The following KLF7 variants were observed in gnomAD, a reference collection of about 807,000 sequenced individuals.
The protein encoded by KLF7 is KLF transcription factor 7, also known as Krueppel-like factor 7.
A neutral mutation model predicts 27.3 loss-of-function variants in KLF7; 2 were observed. The ratio of observed to expected loss-of-function variants is 0.07; its 90% CI spans 0.03 to 0.23. The LOEUF (loss-of-function observed/expected upper bound fraction) is 0.23, where lower values mean the gene tolerates loss of function less well. Ranked by LOEUF, KLF7 falls within the 10% of genes least tolerant of loss-of-function variation. The probability of loss-of-function intolerance (pLI) is 1.00; values close to 1 mark genes in which losing one functional copy is unlikely to be tolerated. For missense variants in KLF7, 221 were observed against 394.1 expected, an observed-to-expected ratio of 0.56 and a Z score of 3.72; for synonymous variants, 165 against 162.4, an observed-to-expected ratio of 1.02 and a Z score of -0.12.
intron 3 of KLF7, among the ~76,000 whole-genome samples, chr2:207,081,672 T>C (rs1302115232): frequency 6.6e-6 from 1 of 152,148 alleles, no homozygotes; most frequent in African/African-American, 2.4e-5. Flanking sequence ...GAAAGTGCTT[T>C]TGAAACCTGT....
At chr2:207,082,596 C>T (rs942805016) in intron 3 of KLF7, among the ~76,000 whole-genome samples, 1 of 152,202 alleles carries the variant, frequency 6.6e-6, no homozygotes, top group Admixed American at 6.5e-5. Context: ...TGAATGAAAT[C>T]CCAGTGAAGT....
intron 2 of KLF7, among the ~76,000 whole-genome samples, chr2:207,113,322 T>C (rs538389520): frequency 1.3e-4 from 20 of 152,304 alleles, no homozygotes; most frequent in South Asian, 6.2e-4. Flanking sequence ...ACTATATTTA[T>C]AAAGTATGCC....
intron 1 of KLF7, among the ~76,000 whole-genome samples, chr2:207,154,203 C>T (rs2078319401): frequency 6.6e-6 from 1 of 152,140 alleles, no homozygotes; most frequent in African/African-American, 2.4e-5. Context: ...ACCTGATTCA[C>T]TCTCATAAGC....
intron 1 of KLF7, among the ~76,000 whole-genome samples, chr2:207,148,484 G>A (rs1222797528): frequency 1.3e-5 from 2 of 152,158 alleles, no homozygotes; most frequent in East Asian, 1.9e-4. Context: ...GATGTATAAA[G>A]ACAAAGCTAC....
At chr2:207,172,155 A>G (rs1324245550), upstream of KLF7, among the ~76,000 whole-genome samples, 2 of 152,066 alleles carry the variant, frequency 1.3e-5, no homozygotes, top group Non-Finnish European at 2.9e-5. Context: ...ATAGAAACTG[A>G]AATTTCTCTC....
intron 1 of KLF7, among the ~76,000 whole-genome samples, chr2:207,128,485 G>A (rs1443924711): frequency 6.6e-6 from 1 of 152,132 alleles, no homozygotes; most frequent in Non-Finnish European, 1.5e-5. Context: ...CTAGTAGAAA[G>A]ATCTATGATG....
At chr2:207,118,074 G>A (rs935514195) in intron 2 of KLF7, among the ~76,000 whole-genome samples, 5 of 152,206 alleles carry the variant, frequency 3.3e-5, no homozygotes, top group Admixed American at 3.3e-4. Flanking sequence ...TAGGTCAGGA[G>A]ACATGGGTCC....
chr2:207,092,959 A>T (rs1201086698), intron 2 of KLF7, among the ~76,000 whole-genome samples: 2 of 152,240 alleles, frequency 1.3e-5, no homozygotes, highest in Admixed American at 6.5e-5. Flanking sequence ...GCCCTGTAGG[A>T]TAAATAAAAA....
At chr2:207,122,935 C>T (rs578062535) in intron 2 of KLF7, among the ~76,000 whole-genome samples, 15 of 152,184 alleles carry the variant, frequency 9.9e-5, no homozygotes, top group African/African-American at 3.1e-4. Flanking sequence ...GACACCACCC[C>T]TAAGCTCCAA....
rs1024524982 is a variant in KLF7, at chr2:207,102,141, C to CACACAT, written c.734-13561_734-13560insATGTGT. On this transcript the variant is annotated intron_variant, in intron 2 of 3. Transcript: ENST00000309446. ...ACATTCACATTCACACACACACACA[C>CACACAT]ACACACACACACACACACCCTGCCC... 7.3e-5 allele frequency among the ~76,000 whole-genome samples: 11 copies of CACACAT among 151,406 alleles called. No individual in the cohort carries two copies. In the East Asian group the frequency reaches 2.1e-3, roughly 29 times the overall value.
intron 1 of KLF7, among the ~76,000 whole-genome samples, chr2:207,153,961 G>A (rs1208525797): frequency 6.6e-6 from 1 of 152,074 alleles, no homozygotes; most frequent in Non-Finnish European, 1.5e-5. Flanking sequence ...TAAATATGAA[G>A]ATATAATCTT....
At chr2:207,147,847 T>G (rs978919822) in intron 1 of KLF7, among the ~76,000 whole-genome samples, 9 of 152,228 alleles carry the variant, frequency 5.9e-5, no homozygotes, top group African/African-American at 1.9e-4. Flanking sequence ...TGGGTTCTGC[T>G]GGCCAAAGTT....
intron 1 of KLF7, 26 bp downstream of exon 1, chr2:207,165,441 T>G (rs1366663690): frequency 6.2e-7 from 1 of 1,613,762 alleles, no homozygotes; most frequent in Admixed American, 1.7e-5. Flanking sequence ...ACCACACGAT[T>G]TACACAAGTA....
At chr2:207,123,345 A>T (rs2077390292) in intron 2 of KLF7, among the ~76,000 whole-genome samples, 1 of 152,186 alleles carries the variant, frequency 6.6e-6, no homozygotes, top group South Asian at 2.1e-4. Flanking sequence ...ATGCTGGGAA[A>T]AGAGTGAATA....
chr2:207,085,044 C>A (rs2076354638), intron 3 of KLF7, among the ~76,000 whole-genome samples: 2 of 151,734 alleles, frequency 1.3e-5, no homozygotes, highest in South Asian at 4.2e-4. Context: ...TACCTGTAAT[C>A]CCAGCTTCTT....
At chr2:207,093,415 C>T (rs917584568) in intron 2 of KLF7, among the ~76,000 whole-genome samples, 1 of 152,140 alleles carries the variant, frequency 6.6e-6, no homozygotes, top group Non-Finnish European at 1.5e-5. Flanking sequence ...CTGCAGGCTC[C>T]CACCTCGAGG....
chr2:207,076,587 C>T lies in KLF7; in HGVS notation c.*4626G>A, dbSNP rs1003030100. The T allele has an allele frequency of 6.6e-6, 1 of 152,136 alleles. No homozygotes were observed. The highest frequency in any genetic ancestry group is 1.9e-4 in the East Asian group (1 of 5,196). 9.4% of individuals were successfully genotyped at this position (152,136 alleles called of 1,614,324 possible). A position where few individuals can be genotyped will look rare whatever the true frequency, so the allele number is the denominator to read the frequency against. ...AAAAACCCTGAAGCCTCAGGCAGTT[C>T]GTCGTGGGAGGTCACGTTATTTACA... is the stretch of plus-strand genomic sequence containing the variant. On this transcript the variant is annotated 3_prime_UTR_variant, in exon 4 of 4. Coordinates refer to ENST00000309446, the MANE Select transcript of KLF7 (RefSeq NM_003709.4).
chr2:207,089,740 A>G (rs928276887), intron 2 of KLF7, among the ~76,000 whole-genome samples: 2 of 152,286 alleles, frequency 1.3e-5, no homozygotes. Context: ...AATAATAGGT[A>G]CCTCAAAGGG....
At chr2:207,167,138 AC>A, upstream of KLF7, 1 of 1,441,520 alleles carries the variant, frequency 6.9e-7, no homozygotes, top group Non-Finnish European at 9.1e-7. Context: ...GATGAGGCTC[AC>A]CATGGGGTCT....
Sources: allele counts gnomAD v4.1 joint callset (sites outside exome capture counted in the v4.1 genomes callset), GRCh38; gene constraint gnomAD v4.1.1; transcripts MANE v1.5; gene names NCBI Gene and HGNC (gene_info 2026-07-23, HGNC 2026-07-21).